PCSK2: variants seen among roughly 807,000 people sequenced by gnomAD.
PCSK2 encodes the protein proprotein convertase subtilisin/kexin type 2.
Under a neutral mutation model 69.7 loss-of-function variants are expected in PCSK2, and 14 were observed. The ratio of observed to expected loss-of-function variants is 0.20; its 90% confidence interval spans 0.13 to 0.31. The LOEUF is 0.31. Ranked by LOEUF, PCSK2 falls within the 10% of genes least tolerant of loss-of-function variation. PCSK2 has a pLI of 1.00. For missense variants in PCSK2, 544 were observed against 842.5 expected, an observed-to-expected ratio of 0.65 and a Z score of 4.39; for synonymous variants, 307 against 320.7, an observed-to-expected ratio of 0.96 and a Z score of 0.46.
At chr20:17,382,544 C>T (rs985243831) in intron 5 of PCSK2, among the ~76,000 whole-genome samples, 3 of 152,146 alleles carry the variant, frequency 2.0e-5, no homozygotes, top group Non-Finnish European at 2.9e-5. Flanking sequence ...TCCTTGACTG[C>T]TGCTCCCTTC....
chr20:17,321,521 T>C (rs929749141), intron 2 of PCSK2, among the ~76,000 whole-genome samples: 3 of 152,242 alleles, frequency 2.0e-5, no homozygotes, highest in Non-Finnish European at 4.4e-5. Context: ...GCTTTCCATT[T>C]TGGGGAAAGA....
chr20:17,356,748 G>A (rs899404178), intron 2 of PCSK2, among the ~76,000 whole-genome samples: 2 of 152,306 alleles, frequency 1.3e-5, no homozygotes, highest in East Asian at 1.9e-4. Context: ...CCGGGGCTGG[G>A]TTGCAGGAAC....
chr20:17,230,599 T>A (rs957216868), intron 1 of PCSK2, among the ~76,000 whole-genome samples: 1 of 152,220 alleles, frequency 6.6e-6, no homozygotes, highest in African/African-American at 2.4e-5. Flanking sequence ...TTCTTTTTAC[T>A]TTTATTATAT....
intron 5 of PCSK2, among the ~76,000 whole-genome samples, chr20:17,372,194 A>G (rs2030787196): frequency 1.3e-5 from 2 of 152,098 alleles, no homozygotes; most frequent in Non-Finnish European, 2.9e-5. Flanking sequence ...ACTGGCTAAC[A>G]CGGTGAAACC....
At chr20:17,438,747 C>T (rs905414832) in intron 8 of PCSK2, among the ~76,000 whole-genome samples, 2 of 152,218 alleles carry the variant, frequency 1.3e-5, no homozygotes, top group African/African-American at 4.8e-5. Context: ...AAGTTATGCC[C>T]CCCACACCCA....
At chr20:17,481,411 A>AAAAAG (rs2033398334) in intron 11 of PCSK2, among the ~76,000 whole-genome samples, 173 bp from the exon 12 acceptor site, 1 of 108,416 alleles carries the variant, frequency 9.2e-6, no homozygotes, top group African/African-American at 4.6e-5. Context: ...AAAAAAAAAA[A>AAAAAG]AAAGAGATAA....
At chr20:17,372,027 T>A (rs961364602) in intron 5 of PCSK2, among the ~76,000 whole-genome samples, 1 of 152,202 alleles carries the variant, frequency 6.6e-6, no homozygotes, top group Non-Finnish European at 1.5e-5. Context: ...GCATTCCACT[T>A]GTTCAGTAAT....
chr20:17,292,608 G>T (rs565132542), intron 2 of PCSK2, among the ~76,000 whole-genome samples: 26 of 152,120 alleles, frequency 1.7e-4, no homozygotes, highest in Non-Finnish European at 2.9e-4. Flanking sequence ...TAAGCTTATT[G>T]ATTATTAGGA....
At chr20:17,301,960 C>T (rs1236201893) in intron 2 of PCSK2, among the ~76,000 whole-genome samples, 1 of 151,708 alleles carries the variant, frequency 6.6e-6, no homozygotes, top group Non-Finnish European at 1.5e-5. Context: ...ATATTTTTTT[C>T]TCCTCTTCAA....
At chr20:17,303,529 T>TTATAA (rs1568593881) in intron 2 of PCSK2, among the ~76,000 whole-genome samples, 5 of 41,690 alleles carry the variant, frequency 1.2e-4, no homozygotes, top group Non-Finnish European at 2.2e-4. Flanking sequence ...ATAATATATA[T>TTATAA]TATATTATAT....
intron 7 of PCSK2, among the ~76,000 whole-genome samples, chr20:17,435,596 C>A (rs1343138076): frequency 6.6e-6 from 1 of 152,196 alleles, no homozygotes; most frequent in Admixed American, 6.5e-5. Flanking sequence ...CCTTCAGGCA[C>A]AACATCCTTT....
At chr20:17,364,039 A>G (rs2030501851) in intron 4 of PCSK2, among the ~76,000 whole-genome samples, 1 of 152,256 alleles carries the variant, frequency 6.6e-6, no homozygotes, top group African/African-American at 2.4e-5. Flanking sequence ...CTAATGTTAA[A>G]TGACGAGTTA....
At chr20:17,249,202 T>G (rs927545827) in intron 1 of PCSK2, among the ~76,000 whole-genome samples, 2 of 152,182 alleles carry the variant, frequency 1.3e-5, no homozygotes, top group African/African-American at 4.8e-5. Flanking sequence ...GGAAATAATT[T>G]AGACTTTAAA....
chr20:17,269,103 G>T (rs1011810159), intron 2 of PCSK2, among the ~76,000 whole-genome samples: 16 of 152,188 alleles, frequency 1.1e-4, no homozygotes, highest in African/African-American at 3.9e-4. Context: ...TTTTAAGCAC[G>T]TTAACATTTG....
At chr20:17,360,487 A>C (rs368452531) in intron 3 of PCSK2, 45 bp from the exon 4 acceptor site, 1 of 1,230,384 alleles carries the variant, frequency 8.1e-7, no homozygotes, top group East Asian at 2.4e-5. Flanking sequence ...GGTGCTTTAC[A>C]ACACCAAACT....
rs2033413110 is a variant in PCSK2 at position 17,482,055 on chromosome 20, C to T, written c.1902C>T (p.Ile634=). 6.3e-7 allele frequency: 1 copy of T among 1,592,428 alleles called. No homozygotes were observed. Among genetic ancestry groups the T allele is most frequent in the Non-Finnish European group, 8.5e-7 (1 of 1,170,888 alleles). Residue 634 remains isoleucine (I), a synonymous_variant, in exon 12 of 12, where the codon ATC becomes ATT. Transcript: ENST00000262545. ...DEAVERSLKS[I]LNKN Reference sequence around the variant, plus strand: ...CCGTGGAGAGAAGCCTGAAAAGCATCCTTAACAAGAACTAGCGCTGCACAT... The same window carrying T: ...CCGTGGAGAGAAGCCTGAAAAGCATTCTTAACAAGAACTAGCGCTGCACAT...
intron 1 of PCSK2, among the ~76,000 whole-genome samples, chr20:17,249,714 C>A (rs1350112635): frequency 2.6e-5 from 4 of 152,070 alleles, no homozygotes; most frequent in Admixed American, 2.6e-4. Flanking sequence ...ACCTTGAAGA[C>A]ATTGTGCTTA....
At chr20:17,395,856 T>G (rs2031498336) in intron 5 of PCSK2, among the ~76,000 whole-genome samples, 1 of 152,198 alleles carries the variant, frequency 6.6e-6, no homozygotes, top group East Asian at 1.9e-4. Context: ...CAGCTATCAG[T>G]GAACTCATCT....
At chr20:17,379,947 C>A (rs62201034) in intron 5 of PCSK2, among the ~76,000 whole-genome samples, 10,247 of 152,214 alleles carry the variant, frequency 0.067, 427 homozygotes, top group Middle Eastern at 0.2. Flanking sequence ...GATGCCACTG[C>A]CATAATGTGA....
Sources: gnomAD v4.1 joint callset for allele counts (sites outside exome capture counted in the v4.1 genomes callset) on GRCh38, gnomAD v4.1.1 for gene constraint, MANE v1.5 for transcripts, NCBI Gene and HGNC (gene_info 2026-07-23, HGNC 2026-07-21) for gene names.